Variants in PCDHGC5 observed in about 807,000 individuals in gnomAD.
The protein encoded by PCDHGC5 is protocadherin gamma subfamily C, 5.
A neutral mutation model predicts 59.0 loss-of-function variants in PCDHGC5; 25 were observed. The observed-to-expected ratio is 0.42, with a 90% confidence interval of 0.31 to 0.59. The LOEUF (loss-of-function observed/expected upper bound fraction) is 0.59. Among genes scored for constraint, PCDHGC5 ranks in the 20% least tolerant of loss-of-function variants. The probability of loss-of-function intolerance (pLI) is 0.13; values close to 1 mark genes in which losing one functional copy is unlikely to be tolerated. For missense variants in PCDHGC5, 1,067 were observed against 1,206.4 expected, an observed-to-expected ratio of 0.88 and a Z score of 1.71; for synonymous variants, 434 against 505.5, an observed-to-expected ratio of 0.86 and a Z score of 1.90.
At chr5:141,496,121 C>G (rs1391009290) in intron 2 of PCDHGC5, among the ~76,000 whole-genome samples, 1 of 152,088 alleles carries the variant, frequency 6.6e-6, no homozygotes, top group Non-Finnish European at 1.5e-5. Context: ...TCCTTCCCTG[C>G]CCCTCACACA....
chr5:141,505,072 G>A (rs1374916789), intron 2 of PCDHGC5, among the ~76,000 whole-genome samples: 1 of 152,228 alleles, frequency 6.6e-6, no homozygotes. Context: ...TGAGGCAGGA[G>A]AATCGCTTGA....
intron 2 of PCDHGC5, among the ~76,000 whole-genome samples, chr5:141,497,540 C>CTT (rs754207034): frequency 2.8e-4 from 38 of 134,912 alleles, no homozygotes; most frequent in African/African-American, 8.9e-4. Context: ...TGCAACAAAC[C>CTT]TTTTTTTTTT....
Position 141,489,601 on chromosome 5 carries a change from G to A in PCDHGC5, c.361G>A (p.Val121Ile). Residue 121 changes from valine to isoleucine, a missense_variant, in exon 1 of 4, where the codon GTA becomes ATA. Transcript: ENST00000252087. This position sits in a 1 kb window ranked among gnomAD's most constrained non-coding sequence, Gnocchi z 4.5. ...CCCCCTGGAGCTAATCCGTGTAGAG[G>A]TAGAGATCCTGGATCTCAATGACAA... Reference protein sequence around the residue: ...EHPLELIRVEVEILDLNDNSP... With the variant: ...EHPLELIRVEIEILDLNDNSP... 2 of 1,614,042 alleles carry A rather than the reference G, an allele frequency of 1.2e-6. No individual in the cohort carries two copies. Among genetic ancestry groups the A allele is most frequent in the East Asian group, 4.5e-5 (2 of 44,882 alleles).
In PCDHGC5 at chr5:141,501,176, T is replaced by C. The variant is rs917315609; in HGVS notation, c.2520-4217T>C. ...GCCACCATCCCCAGCCTCATTTACA[T>C]TTTAACACAATTAAATTCAGGGTGT... On this transcript the variant is annotated intron_variant, in intron 2 of 3. Coordinates refer to ENST00000252087, the MANE Select transcript of PCDHGC5 (RefSeq NM_018929.3). Among the ~76,000 whole-genome samples, 16 of 152,244 alleles carry C rather than the reference T, an allele frequency of 1.1e-4. No homozygotes were observed. In the South Asian group the frequency reaches 3.3e-3, roughly 32 times the overall value.
intron 3 of PCDHGC5, among the ~76,000 whole-genome samples, chr5:141,508,629 T>C (rs934648689): frequency 6.6e-6 from 1 of 152,054 alleles, no homozygotes; most frequent in Non-Finnish European, 1.5e-5. Context: ...GGGCCGAGCT[T>C]CTAGCTACTC....
In PCDHGC5 at chr5:141,489,663, C is replaced by T. The variant is rs1183544696; in HGVS notation, c.423C>T (p.Arg141=). The T allele has an allele frequency of 1.9e-6, 3 of 1,614,048 alleles. No individual in the cohort carries two copies. The highest frequency in any genetic ancestry group is 2.2e-5 in the South Asian group (2 of 91,094). ...TTGCCACCCCTGAGCGAGAGATGCGCATCTCAGAATCAGCAGCATCTGGGG... is the reference window on the plus strand; with the variant it reads ...TTGCCACCCCTGAGCGAGAGATGCGTATCTCAGAATCAGCAGCATCTGGGG... ...PSFATPEREM[R]ISESAASGAR... is the part of the protein sequence containing the mutation. The change falls in exon 1 of 4, where the codon CGC becomes CGT. Residue 141 remains arginine (R), a synonymous_variant. Coordinates refer to ENST00000252087, the MANE Select transcript of PCDHGC5 (RefSeq NM_018929.3). This position sits in a 1 kb window ranked among gnomAD's most constrained non-coding sequence, Gnocchi z 4.5.
At position 141,489,635 on chromosome 5, in the gene PCDHGC5, G is replaced by C. The variant is rs1380466520; in HGVS notation, c.395G>C (p.Ser132Thr). 2 of 1,614,142 alleles carry C rather than the reference G, an allele frequency of 1.2e-6. No homozygotes were observed. The highest frequency in any genetic ancestry group is 3.3e-5 in the Admixed American group (2 of 60,016). ...CTGGATCTCAATGACAACTCTCCTAGCTTTGCCACCCCTGAGCGAGAGATG... is the reference window on the plus strand; with the variant it reads ...CTGGATCTCAATGACAACTCTCCTACCTTTGCCACCCCTGAGCGAGAGATG... ...EILDLNDNSP[S>T]FATPEREMRI... The change falls in exon 1 of 4, where the codon AGC becomes ACC. Residue 132 changes from serine to threonine, a missense_variant. Transcript: ENST00000252087. This position sits in a 1 kb window ranked among gnomAD's most constrained non-coding sequence, Gnocchi z 4.5.
At chr5:141,501,866 C>T (rs1193396289) in intron 2 of PCDHGC5, among the ~76,000 whole-genome samples, 4 of 152,108 alleles carry the variant, frequency 2.6e-5, no homozygotes, top group South Asian at 2.1e-4. Context: ...TTTCCCAGGA[C>T]GCCTCCTTAC....
intron 3 of PCDHGC5, among the ~76,000 whole-genome samples, chr5:141,510,048 G>GTGAT (rs1392197406): frequency 1.3e-5 from 2 of 152,192 alleles, no homozygotes; most frequent in Non-Finnish European, 2.9e-5. Context: ...GAGGTTAAAA[G>GTGAT]TGATTGTGCA....
At chr5:141,506,432 C>A (rs2099853359) in intron 3 of PCDHGC5, among the ~76,000 whole-genome samples, 1 of 132,482 alleles carries the variant, frequency 7.5e-6, no homozygotes, top group Non-Finnish European at 1.6e-5. Context: ...GGGCAACAGT[C>A]TCGCTCTGTC....
intron 2 of PCDHGC5, among the ~76,000 whole-genome samples, chr5:141,496,888 TAA>T (rs35063790): frequency 6.7e-5 from 9 of 134,018 alleles, no homozygotes; most frequent in Non-Finnish European, 4.9e-5. Flanking sequence ...AAGTAACACT[TAA>T]AAAAAAAAAA....
chr5:141,500,365 C>T (rs888624200), intron 2 of PCDHGC5, among the ~76,000 whole-genome samples: 5 of 151,956 alleles, frequency 3.3e-5, no homozygotes, highest in South Asian at 2.1e-4. Flanking sequence ...CCCACTACCA[C>T]GCCCGGCTAA....
intron 3 of PCDHGC5, among the ~76,000 whole-genome samples, chr5:141,510,424 C>T (rs2154594619): frequency 6.6e-6 from 1 of 152,236 alleles, no homozygotes; most frequent in South Asian, 2.1e-4. Flanking sequence ...GCCATGGTTT[C>T]ATGGCTGCTG....
intron 3 of PCDHGC5, among the ~76,000 whole-genome samples, chr5:141,507,803 G>GAC (rs2099863701): frequency 6.6e-6 from 1 of 152,228 alleles, no homozygotes; most frequent in Admixed American, 6.5e-5. Flanking sequence ...CCTGCGCCCT[G>GAC]GGGAACGGAC....
rs983998465 is a variant in PCDHGC5 at position 141,494,817 on chromosome 5, C to T, written c.2471C>T (p.Pro824Leu). ...TLRERSQQAP[P>L]NTDWRFSQAQ... ...CTGTTTTCTCCACAGCAAGCCCCGC[C>T]CAACACGGACTGGCGTTTCTCTCAG... The change falls in exon 2 of 4, where the codon CCC becomes CTC. Residue 824 changes from proline to leucine, a missense_variant. Transcript: ENST00000252087. 1.2e-6 allele frequency: 2 copies of T among 1,614,016 alleles called. No individual in the cohort carries two copies. Among genetic ancestry groups the T allele is most frequent in the Non-Finnish European group, 1.7e-6 (2 of 1,180,026 alleles).
intron 2 of PCDHGC5, among the ~76,000 whole-genome samples, chr5:141,502,866 C>CTTTTTTT (rs549047197): frequency 0.02 from 2,590 of 127,990 alleles, 216 homozygotes; most frequent in African/African-American, 0.075. Flanking sequence ...GACTCTCTGT[C>CTTTTTTT]TTTTTTTTTT....
intron 3 of PCDHGC5, among the ~76,000 whole-genome samples, chr5:141,506,799 A>G (rs1026030023): frequency 5.3e-5 from 8 of 152,198 alleles, no homozygotes; most frequent in Admixed American, 3.9e-4. Flanking sequence ...CTGGCAGAGG[A>G]TCAAGGCATT....
chr5:141,505,287 TG>T, intron 2 of PCDHGC5, 105 bp from the exon 3 acceptor site: 1 of 1,550,864 alleles, frequency 6.4e-7, no homozygotes, highest in Middle Eastern at 2.1e-4. Context: ...GTCTTGGGCA[TG>T]GGGTAGGGTT....
chr5:141,500,176 A>ATTTT (rs1468241826), intron 2 of PCDHGC5, among the ~76,000 whole-genome samples: 91 of 145,916 alleles, frequency 6.2e-4, no homozygotes, highest in African/African-American at 2.3e-3. Context: ...CATGAGCTTC[A>ATTTT]TTTTTATTTT....
Sources: gnomAD v4.1 joint callset for allele counts (sites outside exome capture counted in the v4.1 genomes callset) on GRCh38, gnomAD v4.1.1 for gene constraint, Gnocchi (gnomAD v3.1) non-coding constraint, MANE v1.5 for transcripts, NCBI Gene and HGNC (gene_info 2026-07-23, HGNC 2026-07-21) for gene names.